MEGF6: variants seen among roughly 807,000 people sequenced by gnomAD.
MEGF6 encodes multiple epidermal growth factor-like domains protein 6.
MEGF6 carries 184 observed loss-of-function variants against 207.1 expected under a neutral mutation model. The observed-to-expected ratio is 0.89, with a 90% CI of 0.79 to 1.00. MEGF6 has a LOEUF of 1.00. Among genes scored for constraint, MEGF6 ranks in the 50% least tolerant of loss-of-function variants. MEGF6 has a pLI of 0.00. For missense variants in MEGF6, 2,282 were observed against 2,202.9 expected (o/e 1.04, Z -0.72); for synonymous variants, 1,038 against 910.0 (o/e 1.14, Z -2.53).
At chr1:3,500,827 A>G in intron 20 of MEGF6, 63 bp from the exon 21 acceptor site, 1 of 1,594,090 alleles carries the variant, frequency 6.3e-7, no homozygotes, top group South Asian at 1.1e-5. Flanking sequence ...ACCACAGCCG[A>G]GTCAGGCACA....
chr1:3,567,210 C>T (rs927787434), intron 4 of MEGF6, among the ~76,000 whole-genome samples: 10 of 152,248 alleles, frequency 6.6e-5, no homozygotes, highest in African/African-American at 1.2e-4. Context: ...GAAGACAGAG[C>T]CCTGGTCCCT....
In MEGF6 at chr1:3,489,379, T is replaced by A; in HGVS notation, c.*1149A>T. Reference sequence around the variant, plus strand: ...CCTTCTTAAGGGAGAGAGAGTCCTATGTTGCGGTGTGAGTGCAGCCCTCTC... The same window carrying A: ...CCTTCTTAAGGGAGAGAGAGTCCTAAGTTGCGGTGTGAGTGCAGCCCTCTC... On this transcript the variant is annotated 3_prime_UTR_variant, in exon 37 of 37. Transcript: ENST00000356575. Among the ~76,000 whole-genome samples, 1 of 152,212 alleles carries A rather than the reference T, an allele frequency of 6.6e-6. No homozygotes were observed. The highest frequency in any genetic ancestry group is 6.5e-5 in the Admixed American group (1 of 15,288).
chr1:3,550,967 G>T (rs892122417), intron 4 of MEGF6, among the ~76,000 whole-genome samples: 1 of 152,234 alleles, frequency 6.6e-6, no homozygotes, highest in Non-Finnish European at 1.5e-5. Context: ...GGCTCCAGCC[G>T]GCCAGGGCTG....
the MEGF6 span, among the ~76,000 whole-genome samples, chr1:3,621,310 G>A: frequency 6.6e-6 from 1 of 152,228 alleles, no homozygotes; most frequent in East Asian, 1.9e-4. Context: ...CTTCCCAGAC[G>A]CTGGTGTTAC....
intron 4 of MEGF6, among the ~76,000 whole-genome samples, chr1:3,563,513 C>T (rs1384041119): frequency 3.3e-5 from 5 of 152,234 alleles, no homozygotes; most frequent in South Asian, 2.1e-4. Context: ...CATGCCTGCT[C>T]GGCCACCATG....
chr1:3,494,359 C>G lies in MEGF6; in HGVS notation c.4129+12G>C, dbSNP rs1557712003. ...AGGGGCCCCAGCCCAGCTGCACAGG[C>G]CCCCAACTCACGGTGCTCGCAGGCC... On this transcript the variant is annotated intron_variant, in intron 32 of 36. Transcript: ENST00000356575. 1 of 1,538,038 alleles carries G rather than the reference C, an allele frequency of 6.5e-7. No individual in the cohort carries two copies. The highest frequency in any genetic ancestry group is 8.7e-7 in the Non-Finnish European group (1 of 1,146,436).
intron 4 of MEGF6, among the ~76,000 whole-genome samples, chr1:3,564,297 T>C (rs1643285991): frequency 6.6e-6 from 1 of 151,438 alleles, no homozygotes; most frequent in African/African-American, 2.4e-5. Flanking sequence ...AGCTTTGTTA[T>C]GCGAGGTGAA....
At chr1:3,540,338 C>T (rs747640347) in intron 4 of MEGF6, among the ~76,000 whole-genome samples, 4 of 152,248 alleles carry the variant, frequency 2.6e-5, no homozygotes, top group African/African-American at 9.6e-5. Context: ...GGAAGGAACA[C>T]ACCTTGCAGC....
chr1:3,527,578 G>C (rs1417559690), intron 4 of MEGF6, among the ~76,000 whole-genome samples: 3 of 152,234 alleles, frequency 2.0e-5, no homozygotes, highest in Non-Finnish European at 2.9e-5. Context: ...GGCCAGGATG[G>C]TTTGCGGGAA....
Position 3,511,617 on chromosome 1 carries a change from G to A in MEGF6, c.1047C>T (p.Thr349=). The change falls in exon 9 of 37, where the codon ACC becomes ACT. Residue 349 remains threonine (T), a synonymous_variant. Coordinates refer to ENST00000356575, the MANE Select transcript of MEGF6 (RefSeq NM_001409.4). ...NGGCSHGCSH[T]SAGPLCTCPR... ...GACATGTGCACAGGGGCCCAGCACT[G>A]GTGTGGCTGCAGCCATGGGAGCAGC... 6.2e-7 allele frequency: 1 copy of A among 1,612,442 alleles called. No individual in the cohort carries two copies. Among genetic ancestry groups the A allele is most frequent in the Non-Finnish European group, 8.5e-7 (1 of 1,179,606 alleles).
At chr1:3,614,673 C>T (rs1644363829), upstream of MEGF6, among the ~76,000 whole-genome samples, 1 of 152,240 alleles carries the variant, frequency 6.6e-6, no homozygotes, top group Non-Finnish European at 1.5e-5. Context: ...GCAGTTCCCT[C>T]CATTGCTTAG....
intron 2 of MEGF6, among the ~76,000 whole-genome samples, chr1:3,596,473 C>T (rs1173896176): frequency 1.2e-4 from 18 of 149,310 alleles, no homozygotes; most frequent in African/African-American, 4.2e-4. Flanking sequence ...CATCTCCACC[C>T]CAGGGCACCC....
intron 4 of MEGF6, among the ~76,000 whole-genome samples, chr1:3,545,755 T>G (rs1427070574): frequency 6.6e-6 from 1 of 152,092 alleles, no homozygotes; most frequent in East Asian, 1.9e-4. Flanking sequence ...CCATCCTCCC[T>G]CCTCACTGAG....
In MEGF6 at chr1:3,602,598, G is replaced by A. The variant is rs61737345; in HGVS notation, c.134C>T (p.Pro45Leu). 3.7e-3 allele frequency: 5,883 copies of A among 1,606,558 alleles called. 193 individuals carry two copies. In the African/African-American group the frequency reaches 0.071, roughly 19 times the overall value. The change falls in exon 2 of 37, where the codon CCC becomes CTC. Residue 45 changes from proline to leucine, a missense_variant and splice_region_variant. By Grantham distance (98) the Pro-to-Leu change is moderately conservative. Coordinates refer to ENST00000356575, the MANE Select transcript of MEGF6 (RefSeq NM_001409.4). ...RPLLPLQPGM[P>L]HVCAEQELTL... ...CAGCTCCTGCTCAGCACACACGTGG[G>A]GCCTGGAACAGAGACACGGAGAGTC...
Position 3,531,331 on chromosome 1 carries a change from C to G in MEGF6, c.482-7085G>C, listed in dbSNP as rs904587708. ...CGGCCGGGCGACGGGGCAGGCGGCT[C>G]GGGCTGGTTCTGGGTTCCGGGCGGG... On this transcript the variant is annotated intron_variant, in intron 4 of 36. Coordinates refer to ENST00000356575, the MANE Select transcript of MEGF6 (RefSeq NM_001409.4). The G allele has an allele frequency of 6.2e-5, 76 of 1,223,148 alleles. No individual in the cohort carries two copies. In the East Asian group the frequency reaches 2.6e-3, roughly 42 times the overall value. 75.8% of individuals were successfully genotyped at this position (1,223,148 alleles called of 1,614,324 possible).
intron 4 of MEGF6, among the ~76,000 whole-genome samples, chr1:3,540,456 C>G (rs1642480826): frequency 1.3e-5 from 2 of 152,202 alleles, no homozygotes; most frequent in African/African-American, 4.8e-5. Flanking sequence ...AACCGGAAGG[C>G]CCAGGTTCAG....
intron 17 of MEGF6, 39 bp from the exon 18 acceptor site, chr1:3,501,960 T>G: frequency 7.1e-7 from 1 of 1,417,798 alleles, no homozygotes; most frequent in Non-Finnish European, 9.3e-7. Context: ...CCGCACCACG[T>G]GGAGTGGACT....
intron 4 of MEGF6, among the ~76,000 whole-genome samples, chr1:3,557,813 G>A (rs187557167): frequency 4.6e-5 from 7 of 152,366 alleles, no homozygotes; most frequent in East Asian, 1.9e-4. Context: ...GTGGGCAGAC[G>A]TCGTTTGCAC....
rs551814342 is a variant in MEGF6, at chr1:3,496,674, G to A, written c.3723C>T (p.Leu1241=). The change falls in exon 29 of 37, where the codon CTC becomes CTT. Residue 1241 remains leucine (L), a synonymous_variant. Coordinates refer to ENST00000356575, the MANE Select transcript of MEGF6 (RefSeq NM_001409.4). ...TGACRCPTGF[L]GTDCNLTCPQ... ...ACTCACTGAGGTTGCAGTCCGTCCCGAGGAACCCAGTGGGGCAGCGGCAGG... is the reference window on the plus strand; with the variant it reads ...ACTCACTGAGGTTGCAGTCCGTCCCAAGGAACCCAGTGGGGCAGCGGCAGG... 2.0e-5 allele frequency: 32 copies of A among 1,571,260 alleles called. No individual in the cohort carries two copies. In the African/African-American group the frequency reaches 2.6e-4, roughly 13 times the overall value.
Sources: allele counts gnomAD v4.1 joint callset (sites outside exome capture counted in the v4.1 genomes callset), GRCh38; gene constraint gnomAD v4.1.1; transcripts MANE v1.5; gene names NCBI Gene and HGNC (gene_info 2026-07-23, HGNC 2026-07-21).